Variants in C10orf67 observed in about 807,000 individuals in gnomAD.
C10orf67 encodes the protein chromosome 10 open reading frame 67.
A neutral mutation model predicts 35.6 loss-of-function variants in C10orf67; 60 were observed. The ratio of observed to expected loss-of-function variants is 1.68; its 90% confidence interval spans 1.37 to 2.09. C10orf67 has a LOEUF of 2.09. Ranked by LOEUF, C10orf67 falls within the 30% of genes most tolerant of loss-of-function variation. The probability of loss-of-function intolerance (pLI) is 0.00; values close to 1 mark genes in which losing one functional copy is unlikely to be tolerated. For missense variants in C10orf67, 474 were observed against 330.2 expected (o/e 1.44, Z -3.38); for synonymous variants, 167 against 115.8 (o/e 1.44, Z -2.84).
intron 12 of C10orf67, 81 bp from the exon 13 acceptor site, chr10:23,239,897 G>A (rs1460932439): frequency 2.3e-5 from 11 of 470,396 alleles, no homozygotes; most frequent in South Asian, 2.0e-4. Flanking sequence ...AATGAGGTAG[G>A]AAACTACATT....
chr10:23,258,725 G>A (rs1025444040), intron 10 of C10orf67, among the ~76,000 whole-genome samples: 3 of 152,116 alleles, frequency 2.0e-5, no homozygotes, highest in South Asian at 4.2e-4. Context: ...GAGATCATTC[G>A]GACATGGTCT....
intron 13 of C10orf67, among the ~76,000 whole-genome samples, chr10:23,235,448 A>G (rs533732821): frequency 6.6e-6 from 1 of 152,360 alleles, no homozygotes; most frequent in Admixed American, 6.5e-5. Context: ...ACTTGTATTC[A>G]GAATATATAA....
chr10:23,334,090 A>G (rs1210891205), intron 1 of C10orf67, among the ~76,000 whole-genome samples: 1 of 152,244 alleles, frequency 6.6e-6, no homozygotes, highest in Non-Finnish European at 1.5e-5. Context: ...GCAACTATCA[A>G]TAGATAGGAC....
intron 10 of C10orf67, among the ~76,000 whole-genome samples, chr10:23,255,974 C>A (rs1483115584): frequency 6.6e-6 from 1 of 152,088 alleles, no homozygotes; most frequent in Admixed American, 6.5e-5. Flanking sequence ...CCTCATTGAG[C>A]AAATTTTGTA....
chr10:23,256,650 A>G (rs1842610412), intron 10 of C10orf67, among the ~76,000 whole-genome samples: 1 of 151,882 alleles, frequency 6.6e-6, no homozygotes, highest in Non-Finnish European at 1.5e-5. Context: ...CTGGGGACAC[A>G]TGTTAAAAGT....
At chr10:23,202,031 G>C (rs1185267682), downstream of C10orf67, 1 of 152,154 alleles carries the variant, frequency 6.6e-6, no homozygotes, top group Non-Finnish European at 1.5e-5. Flanking sequence ...TTACAGATAT[G>C]CAAATTTCTT....
At position 23,204,104 on chromosome 10, in the gene C10orf67, C is replaced by A; in HGVS notation, c.*69G>T. The A allele has an allele frequency of 2.2e-6, 1 of 454,636 alleles. No individual in the cohort carries two copies. Among genetic ancestry groups the A allele is most frequent in the Non-Finnish European group, 4.0e-6 (1 of 247,490 alleles). The allele number at this position is 454,636 out of a possible 1,614,324, so 28.2% of individuals were successfully genotyped here. A position where few individuals can be genotyped will look rare whatever the true frequency, so the allele number is the denominator to read the frequency against. On this transcript the variant is annotated 3_prime_UTR_variant, in exon 16 of 16. Transcript: ENST00000636213. The stretch of plus-strand genomic sequence containing the variant: ...GAGATAGTATCCTTTCCGAGGGAGG[C>A]ACCTTACACCAGGACGGCGAGGCCA...
At chr10:23,233,259 A>T (rs934854022) in intron 13 of C10orf67, among the ~76,000 whole-genome samples, 1 of 152,222 alleles carries the variant, frequency 6.6e-6, no homozygotes, top group African/African-American at 2.4e-5. Context: ...AATAATGTTT[A>T]CTCATATCCT....
intron 13 of C10orf67, among the ~76,000 whole-genome samples, chr10:23,227,679 C>G (rs1471487933): frequency 6.6e-6 from 1 of 152,132 alleles, no homozygotes; most frequent in Non-Finnish European, 1.5e-5. Flanking sequence ...GATTGTATAT[C>G]TAGAAAACCC....
rs182377931 is a variant in C10orf67, at chr10:23,303,415, C to T, written c.591G>A (p.Ala197=). ...VEEENVSLQD[A]STVKTNILLR... ...ACAAAATATTTGTTTTGACAGTACT[C>T]GCATCTTGCAAAGAAACATTCTCTT... Residue 197 remains alanine (A), a synonymous_variant, in exon 5 of 16, where the codon GCG becomes GCA. Coordinates refer to ENST00000636213, the MANE Select transcript of C10orf67 (RefSeq NM_001371909.1). 124 of 615,724 alleles carry T rather than the reference C, an allele frequency of 2.0e-4. 1 individual carries two copies. The East Asian group carries it at 3.5e-3, about 18-fold the overall frequency. 38.1% of individuals were successfully genotyped at this position (615,724 alleles called of 1,614,324 possible). A position where few individuals can be genotyped will look rare whatever the true frequency, so the allele number is the denominator to read the frequency against.
chr10:23,290,019 A>G, intron 6 of C10orf67, 61 bp from the exon 7 acceptor site: 1 of 711,448 alleles, frequency 1.4e-6, no homozygotes, highest in Middle Eastern at 2.3e-4. Flanking sequence ...CCTGTATTTA[A>G]ACGGCCTGCT....
At chr10:23,313,983 G>A (rs935906393) in intron 4 of C10orf67, among the ~76,000 whole-genome samples, 3 of 134,204 alleles carry the variant, frequency 2.2e-5, no homozygotes, top group East Asian at 2.7e-4. Context: ...GCTGACTATC[G>A]AAACTAGTTC....
chr10:23,341,037 T>C (rs921608981), intron 1 of C10orf67, among the ~76,000 whole-genome samples: 1 of 152,230 alleles, frequency 6.6e-6, no homozygotes, highest in Non-Finnish European at 1.5e-5. Context: ...GGCATATTTC[T>C]CAGGGCTAAA....
At chr10:23,218,557 G>A (rs1246422350) in intron 15 of C10orf67, among the ~76,000 whole-genome samples, 2 of 152,142 alleles carry the variant, frequency 1.3e-5, no homozygotes, top group Admixed American at 6.5e-5. Context: ...AGAAAAGGTA[G>A]TTGAGAATTA....
rs377186410 is a variant in C10orf67 at position 23,311,749 on chromosome 10, A to G, written c.547-8290T>C. 1.4e-4 allele frequency among the ~76,000 whole-genome samples: 21 copies of G among 152,128 alleles called. No individual in the cohort carries two copies. The East Asian group carries it at 2.7e-3, about 20-fold the overall frequency. On this transcript the variant is annotated intron_variant, in intron 4 of 15. Transcript: ENST00000636213. Reference sequence around the variant, plus strand: ...AAAGAAATTCTAGCTTGGGTTCAGTAACAACATCAAAATAGTTACTGCCTG... The same window carrying G: ...AAAGAAATTCTAGCTTGGGTTCAGTGACAACATCAAAATAGTTACTGCCTG...
At chr10:23,238,613 GA>G (rs1230698097) in intron 13 of C10orf67, among the ~76,000 whole-genome samples, 1 of 152,192 alleles carries the variant, frequency 6.6e-6, no homozygotes, top group East Asian at 1.9e-4. Context: ...ATTTGGACTA[GA>G]AAAGGTTACC....
At chr10:23,273,889 C>T (rs1417605263) in intron 8 of C10orf67, among the ~76,000 whole-genome samples, 1 of 152,156 alleles carries the variant, frequency 6.6e-6, no homozygotes, top group African/African-American at 2.4e-5. Flanking sequence ...TGTATTGTTT[C>T]TCACAGGTAT....
intron 12 of C10orf67, among the ~76,000 whole-genome samples, chr10:23,246,927 G>A (rs567992285): frequency 9.9e-5 from 15 of 152,134 alleles, no homozygotes; most frequent in Non-Finnish European, 1.9e-4. Flanking sequence ...GGGCTCAAGC[G>A]ATCCTCCCAC....
At chr10:23,296,164 G>A (rs575234151) in intron 5 of C10orf67, among the ~76,000 whole-genome samples, 1 of 151,608 alleles carries the variant, frequency 6.6e-6, no homozygotes, top group African/African-American at 2.4e-5. Flanking sequence ...TGCATGTGTC[G>A]ATATTTCTAT....
Sources: allele counts gnomAD v4.1 joint callset (sites outside exome capture counted in the v4.1 genomes callset), GRCh38; gene constraint gnomAD v4.1.1; transcripts MANE v1.5; gene names NCBI Gene and HGNC (gene_info 2026-07-23, HGNC 2026-07-21).